The following IQGAP1 variants were observed in gnomAD, a reference collection of about 807,000 sequenced individuals.
IQGAP1 encodes ras GTPase-activating-like protein IQGAP1.
Under a neutral mutation model 215.6 loss-of-function variants are expected in IQGAP1, and 66 were observed. That is an observed-to-expected ratio of 0.31 (90% confidence interval 0.25 to 0.38). The LOEUF (loss-of-function observed/expected upper bound fraction) is 0.38. Ranked by LOEUF, IQGAP1 falls within the 10% of genes least tolerant of loss-of-function variation. The pLI, the probability that IQGAP1 is intolerant of heterozygous loss-of-function variation, is 1.00. For missense variants in IQGAP1, 1,712 were observed against 1,997.1 expected (o/e 0.86, Z 2.72); for synonymous variants, 772 against 728.7 (o/e 1.06, Z -0.96).
chr15:90,464,208 G>A (rs1000360824), intron 15 of IQGAP1, among the ~76,000 whole-genome samples: 7 of 152,146 alleles, frequency 4.6e-5, no homozygotes, highest in Admixed American at 2.6e-4. Flanking sequence ...GGTCTGCGTA[G>A]ATCACCACAA....
intron 4 of IQGAP1, among the ~76,000 whole-genome samples, chr15:90,431,649 T>G (rs1048571364): frequency 2.0e-5 from 3 of 151,488 alleles, no homozygotes; most frequent in Non-Finnish European, 4.4e-5. Flanking sequence ...AGGAACAACT[T>G]GATAATCATG....
In IQGAP1 at chr15:90,443,382, ACTCATC is replaced by A. The variant is rs1567127861; in HGVS notation, c.829-7_829-2del. On this transcript the variant is annotated splice_polypyrimidine_tract_variant and splice_region_variant and intron_variant, in intron 8 of 37. Transcript: ENST00000268182. The stretch of plus-strand genomic sequence containing the variant: ...TTAAGCTAACTTAATTACGCTTTTT[ACTCATC>A]CTCAGACAGAAAACTCAGAGAGAGA... 2 of 1,590,982 alleles carry A rather than the reference ACTCATC, an allele frequency of 1.3e-6. No individual in the cohort carries two copies. Among genetic ancestry groups the A allele is most frequent in the East Asian group, 2.2e-5 (1 of 44,726 alleles).
intron 2 of IQGAP1, among the ~76,000 whole-genome samples, chr15:90,416,964 G>C (rs1210285659): frequency 6.6e-6 from 1 of 152,124 alleles, no homozygotes; most frequent in Non-Finnish European, 1.5e-5. Context: ...CTGATGGCCA[G>C]TGATGACCAT....
At position 90,393,239 on chromosome 15, in the gene IQGAP1, T is replaced by C. The variant is rs78654931; in HGVS notation, c.155+2366T>C. Among the ~76,000 whole-genome samples, 969 of 152,226 alleles carry C rather than the reference T, an allele frequency of 6.4e-3. 29 individuals carry two copies. Among genetic ancestry groups the C allele is most frequent in the Admixed American group, 0.049 (743 of 15,278 alleles). On this transcript the variant is annotated intron_variant, in intron 2 of 37. Coordinates refer to ENST00000268182, the MANE Select transcript of IQGAP1 (RefSeq NM_003870.4). ...TTTGGTTCCAGGACACCTGCAGATA[T>C]CAGAATCCACAGTTGCTCAACTTCC... is the stretch of plus-strand genomic sequence containing the variant.
chr15:90,456,007 C>A, intron 14 of IQGAP1, 145 bp from the exon 15 acceptor site: 2 of 612,960 alleles, frequency 3.3e-6, no homozygotes, highest in South Asian at 4.9e-5. Flanking sequence ...AAAATGAAAA[C>A]AGTGCTGCTT....
intron 13 of IQGAP1, 54 bp from the exon 14 acceptor site, chr15:90,454,374 G>A (rs1965649204): frequency 1.2e-6 from 2 of 1,607,246 alleles, no homozygotes; most frequent in African/African-American, 1.3e-5. Flanking sequence ...TTTGTTCCTT[G>A]AATATTTAAA....
At chr15:90,401,063 C>G (rs969287517) in intron 2 of IQGAP1, among the ~76,000 whole-genome samples, 1 of 152,196 alleles carries the variant, frequency 6.6e-6, no homozygotes, top group African/African-American at 2.4e-5. Context: ...GTTTGCTTAA[C>G]TCAGGACTTG....
Position 90,395,136 on chromosome 15 carries a change from G to C in IQGAP1, c.155+4263G>C, listed in dbSNP as rs16944332. On this transcript the variant is annotated intron_variant, in intron 2 of 37. Coordinates refer to ENST00000268182, the MANE Select transcript of IQGAP1 (RefSeq NM_003870.4). ...TTGTTTGGAGAGCAGCTTCAATATTGAAATTAAGCCGCTGTTCTAATGAGA... is the reference window on the plus strand; with the variant it reads ...TTGTTTGGAGAGCAGCTTCAATATTCAAATTAAGCCGCTGTTCTAATGAGA... 4.9e-3 allele frequency among the ~76,000 whole-genome samples: 743 copies of C among 152,268 alleles called. 4 individuals carry two copies. The highest frequency in any genetic ancestry group is 0.017 in the African/African-American group (719 of 41,554).
chr15:90,458,132 G>A (rs1418017999), intron 15 of IQGAP1, among the ~76,000 whole-genome samples: 1 of 152,202 alleles, frequency 6.6e-6, no homozygotes, highest in Non-Finnish European at 1.5e-5. Context: ...ATGGAGTTAT[G>A]CAATGTATGG....
intron 36 of IQGAP1, among the ~76,000 whole-genome samples, chr15:90,495,529 G>A (rs910255919): frequency 4.6e-5 from 7 of 151,702 alleles, no homozygotes; most frequent in African/African-American, 1.2e-4. Flanking sequence ...CACTGAAATC[G>A]TTTTAATGTA....
In IQGAP1 at chr15:90,474,513, G is replaced by A. The variant is rs754277963; in HGVS notation, c.2604G>A (p.Val868=). Residue 868 remains valine, a synonymous_variant, in exon 23 of 38, where the codon GTG becomes GTA. Coordinates refer to ENST00000268182, the MANE Select transcript of IQGAP1 (RefSeq NM_003870.4). The part of the protein sequence containing the change: ...LINAEDPPMV[V]VRKFVHLLDQ... ...ATGCTGAGGATCCTCCTATGGTTGT[G>A]GTCCGAAAATTTGTCCACCTGCTGG... The A allele has an allele frequency of 2.5e-6, 4 of 1,614,050 alleles. No homozygotes were observed. The highest frequency in any genetic ancestry group is 3.4e-6 in the Non-Finnish European group (4 of 1,179,942).
chr15:90,500,097 T>A lies in IQGAP1; in HGVS notation c.4963T>A (p.Tyr1655Asn). Reference protein sequence around the residue: ...LLIFLLNKKFYGK With the variant: ...LLIFLLNKKFNGK ...GATCTTCCTTCTCAACAAAAAGTTC[T>A]ACGGGAAGTAATTGATCGTTTGCTG... Residue 1655 changes from tyrosine to asparagine, a missense_variant, in exon 38 of 38, where the codon TAC becomes AAC. Physicochemically the swap from Tyr to Asn is moderately radical, Grantham distance 143 (BLOSUM62 -2). Around this residue, in one of 2 missense-constraint regions of IQGAP1, gnomAD observed 691 missense variants for 923.0 expected, o/e 0.75. Coordinates refer to ENST00000268182, the MANE Select transcript of IQGAP1 (RefSeq NM_003870.4). 6.3e-7 allele frequency: 1 copy of A among 1,589,498 alleles called. No homozygotes were observed. Among genetic ancestry groups the A allele is most frequent in the Non-Finnish European group, 8.6e-7 (1 of 1,157,518 alleles).
At chr15:90,433,654 A>G (rs1965332270) in intron 4 of IQGAP1, 65 bp from the exon 5 acceptor site, 1 of 962,614 alleles carries the variant, frequency 1.0e-6, no homozygotes, top group African/African-American at 1.6e-5. Flanking sequence ...ATTATTGATG[A>G]TTGGTGAATG....
chr15:90,451,083 C>T (rs568009440), intron 11 of IQGAP1, among the ~76,000 whole-genome samples: 10 of 151,992 alleles, frequency 6.6e-5, no homozygotes, highest in East Asian at 1.9e-4. Context: ...TTCTTCCAGT[C>T]GCTTCATAGT....
Position 90,500,115 on chromosome 15 carries a change from G to C in IQGAP1, c.*7G>C. 6.8e-7 allele frequency: 1 copy of C among 1,476,288 alleles called. No individual in the cohort carries two copies. 91.4% of individuals were successfully genotyped at this position (1,476,288 alleles called of 1,614,324 possible). A position where few individuals can be genotyped will look rare whatever the true frequency, so the allele number is the denominator to read the frequency against. ...AAAGTTCTACGGGAAGTAATTGATCGTTTGCTGCCAGCCCAGAAGGATGAA... is the reference window on the plus strand; with the variant it reads ...AAAGTTCTACGGGAAGTAATTGATCCTTTGCTGCCAGCCCAGAAGGATGAA... On this transcript the variant is annotated 3_prime_UTR_variant, in exon 38 of 38. Coordinates refer to ENST00000268182, the MANE Select transcript of IQGAP1 (RefSeq NM_003870.4).
intron 2 of IQGAP1, among the ~76,000 whole-genome samples, chr15:90,396,339 G>A (rs1964718623): frequency 6.6e-6 from 1 of 152,138 alleles, no homozygotes; most frequent in Non-Finnish European, 1.5e-5. Context: ...AAATGGGTAG[G>A]TGAGGTGACT....
intron 2 of IQGAP1, among the ~76,000 whole-genome samples, chr15:90,419,233 C>T (rs1965098374): frequency 6.6e-6 from 1 of 151,436 alleles, no homozygotes. Flanking sequence ...TTGGAATATA[C>T]TTTTTGGAAC....
chr15:90,399,818 GT>G (rs1245889573), intron 2 of IQGAP1, among the ~76,000 whole-genome samples: 1 of 151,880 alleles, frequency 6.6e-6, no homozygotes, highest in African/African-American at 2.4e-5. Context: ...AAAACCAGCT[GT>G]TTATTACCTA....
In IQGAP1 at chr15:90,477,763, T is replaced by C. The variant is rs767336841; in HGVS notation, c.3203T>C (p.Leu1068Pro). 2 of 1,613,738 alleles carry C rather than the reference T, an allele frequency of 1.2e-6. No individual in the cohort carries two copies. Among genetic ancestry groups the C allele is most frequent in the South Asian group, 2.2e-5 (2 of 91,076 alleles). The change falls in exon 26 of 38, where the codon CTG (leucine) becomes CCG (proline). Residue 1068 changes from leucine to proline, a missense_variant. Leu to Pro is a moderately conservative substitution (Grantham distance 98, BLOSUM62 -3). Around this residue, in one of 2 missense-constraint regions of IQGAP1, gnomAD observed 691 missense variants for 923.0 expected, o/e 0.75. Coordinates refer to ENST00000268182, the MANE Select transcript of IQGAP1 (RefSeq NM_003870.4). ...CGTGGTGCCCGTGGCCAGAATGCCC[T>C]GAGACAGATCTTGGCCCCAGTCGTG... ...FNRGARGQNA[L>P]RQILAPVVKE...
Sources: allele counts gnomAD v4.1 joint callset (sites outside exome capture counted in the v4.1 genomes callset), GRCh38; gene constraint gnomAD v4.1.1; regional missense constraint gnomAD v4.1.1; transcripts MANE v1.5; gene names NCBI Gene and HGNC (gene_info 2026-07-23, HGNC 2026-07-21).